VPS13C: variants seen among roughly 807,000 people sequenced by gnomAD.
VPS13C encodes the protein intermembrane lipid transfer protein VPS13C.
A neutral mutation model predicts 456.8 loss-of-function variants in VPS13C; 358 were observed. The observed-to-expected ratio is 0.78, with a 90% CI of 0.72 to 0.86. The LOEUF is 0.86. Ranked by LOEUF, VPS13C falls within the 40% of genes least tolerant of loss-of-function variation. The pLI is 0.00. For synonymous variants in VPS13C, 1,578 were observed against 1,486.7 expected (o/e 1.06, Z -1.41); for missense variants, 4,818 against 4,385.4 (o/e 1.10, Z -2.79).
intron 16 of VPS13C, among the ~76,000 whole-genome samples, chr15:61,999,379 CA>C (rs200452220): frequency 0.029 from 3,312 of 115,888 alleles, 45 homozygotes; most frequent in East Asian, 0.083. Flanking sequence ...GACTCCATCT[CA>C]AAAAAAAAAA....
chr15:61,962,887 G>T, intron 32 of VPS13C, 35 bp from the exon 33 acceptor site: 2 of 1,398,468 alleles, frequency 1.4e-6, no homozygotes, highest in South Asian at 2.8e-5. Context: ...AATTTCTACA[G>T]ACCTACCATA....
rs1163803965 is a variant in VPS13C, at chr15:62,007,129, GT to G, written c.1290+178del. Among the ~76,000 whole-genome samples, 3 of 151,638 alleles carry G rather than the reference GT, an allele frequency of 2.0e-5. No homozygotes were observed. The Middle Eastern group carries it at 0.01, about 516-fold the overall frequency. ...TCTGATATTTGCAGGGGGAAAAAAA[GT>G]TTTTTTAAAGAAGAAAAACTGGAAA... is the stretch of plus-strand genomic sequence containing the variant. On this transcript the variant is annotated intron_variant, in intron 15 of 84. Transcript: ENST00000644861.
chr15:62,018,839 T>C (rs2047354312), intron 9 of VPS13C, among the ~76,000 whole-genome samples: 1 of 152,164 alleles, frequency 6.6e-6, no homozygotes, highest in Non-Finnish European at 1.5e-5. Flanking sequence ...TTTCTATTGA[T>C]TGGAATAGTT....
intron 46 of VPS13C, 42 bp from the exon 47 acceptor site, chr15:61,940,836 AT>A: frequency 3.8e-6 from 6 of 1,575,314 alleles, no homozygotes; most frequent in Non-Finnish European, 5.2e-6. Flanking sequence ...TCAAATTTAC[AT>A]TTTAAAATGA....
At position 61,913,345 on chromosome 15, in the gene VPS13C, C is replaced by A. The variant is rs1244843219; in HGVS notation, c.8516G>T (p.Cys2839Phe). 1 of 1,614,114 alleles carries A rather than the reference C, an allele frequency of 6.2e-7. No homozygotes were observed. The highest frequency in any genetic ancestry group is 1.3e-5 in the African/African-American group (1 of 75,046). The change falls in exon 62 of 85, where the codon TGT becomes TTT. Residue 2839 changes from cysteine to phenylalanine, a missense_variant. Transcript: ENST00000644861. ...CATATTGTTGGCAGGACACTTCACA[C>A]ACCCATAACTTCCCACTGTATCCAA... ...FSLDTVGSYG[C>F]VKCPANNMEY...
At chr15:62,020,143 A>G (rs2140562044) in intron 9 of VPS13C, among the ~76,000 whole-genome samples, 1 of 151,962 alleles carries the variant, frequency 6.6e-6, no homozygotes, top group Middle Eastern at 3.4e-3. Context: ...TAAGCTATTT[A>G]GAAATTCCAT....
intron 18 of VPS13C, among the ~76,000 whole-genome samples, chr15:61,987,228 A>G (rs2140406919): frequency 6.6e-6 from 1 of 151,776 alleles, no homozygotes; most frequent in East Asian, 1.9e-4. Flanking sequence ...AAAAAAAAAG[A>G]AAACCAAGTC....
intron 32 of VPS13C, 26 bp downstream of exon 32, chr15:61,963,809 A>C: frequency 6.5e-7 from 1 of 1,540,556 alleles, no homozygotes; most frequent in Non-Finnish European, 8.9e-7. Flanking sequence ...CTTTTCGCCA[A>C]TTTTCAATGC....
chr15:62,051,202 C>A (rs909068445), intron 1 of VPS13C, among the ~76,000 whole-genome samples: 1 of 152,124 alleles, frequency 6.6e-6, no homozygotes, highest in Non-Finnish European at 1.5e-5. Flanking sequence ...TTATATAAAT[C>A]CCCAGTCTGA....
At chr15:61,857,601 G>A (rs530528688) in intron 82 of VPS13C, among the ~76,000 whole-genome samples, 11 of 152,212 alleles carry the variant, frequency 7.2e-5, no homozygotes, top group African/African-American at 1.9e-4. Flanking sequence ...AGGAAATGAC[G>A]TGATAATGTT....
At chr15:61,880,768 A>G in intron 72 of VPS13C, 46 bp from the exon 73 acceptor site, 1 of 1,539,972 alleles carries the variant, frequency 6.5e-7, no homozygotes, top group East Asian at 2.3e-5. Flanking sequence ...TTTTTTCTCT[A>G]TTAGAATTCG....
chr15:61,878,564 C>A, intron 74 of VPS13C, 43 bp downstream of exon 74: 1 of 1,591,142 alleles, frequency 6.3e-7, no homozygotes, highest in Non-Finnish European at 8.5e-7. Context: ...GAAACATGAC[C>A]TTGGTACACC....
intron 47 of VPS13C, among the ~76,000 whole-genome samples, chr15:61,938,859 A>G (rs958756847): frequency 6.6e-6 from 1 of 152,130 alleles, no homozygotes; most frequent in African/African-American, 2.4e-5. Flanking sequence ...ACACCAGCCT[A>G]ATTTAGAGAT....
chr15:62,001,516 CTT>C (rs556179507), intron 15 of VPS13C, among the ~76,000 whole-genome samples: 1 of 150,966 alleles, frequency 6.6e-6, no homozygotes, highest in Non-Finnish European at 1.5e-5. Flanking sequence ...TTCGTATTTA[CTT>C]TTTTTTTATT....
At chr15:62,033,657 A>C (rs1455544891) in intron 4 of VPS13C, 115 bp from the exon 5 acceptor site, 6 of 535,664 alleles carry the variant, frequency 1.1e-5, no homozygotes, top group Non-Finnish European at 1.8e-5. Context: ...CAATACAAAA[A>C]TACTTTCACA....
chr15:62,033,911 C>A (rs1253219757), intron 4 of VPS13C, among the ~76,000 whole-genome samples: 1 of 151,092 alleles, frequency 6.6e-6, no homozygotes, highest in African/African-American at 2.4e-5. Flanking sequence ...TACCTGGGAT[C>A]AATATACACT....
At chr15:62,057,783 T>A (rs1170211898) in intron 1 of VPS13C, among the ~76,000 whole-genome samples, 1 of 152,214 alleles carries the variant, frequency 6.6e-6, no homozygotes, top group Admixed American at 6.5e-5. Flanking sequence ...AATTACGACA[T>A]TTTTAATTTC....
chr15:61,952,740 A>G (rs1290746187), intron 38 of VPS13C, among the ~76,000 whole-genome samples: 2 of 152,076 alleles, frequency 1.3e-5, no homozygotes, highest in African/African-American at 4.8e-5. Flanking sequence ...ATTGTTAGAG[A>G]CAGGGTCTTG....
rs777552846 is a variant in VPS13C, at chr15:61,917,551, A to G, written c.7845T>C (p.Leu2615=). The part of the protein sequence containing the change: ...STTYISWKEE[L]HRSREVRCML... ...TGCATCTGACTTCCCTGCTCCTATG[A>G]AGTTCTTCCTTCCAGGAAATATAAG... The change falls in exon 60 of 85, where the codon CTT becomes CTC. Residue 2615 remains leucine (L), a synonymous_variant. Coordinates refer to ENST00000644861, the MANE Select transcript of VPS13C (RefSeq NM_020821.3). 6.2e-7 allele frequency: 1 copy of G among 1,613,996 alleles called. No homozygotes were observed. The highest frequency in any genetic ancestry group is 1.7e-5 in the Admixed American group (1 of 60,004).
Sources: gnomAD v4.1 joint callset for allele counts (sites outside exome capture counted in the v4.1 genomes callset) on GRCh38, gnomAD v4.1.1 for gene constraint, MANE v1.5 for transcripts, NCBI Gene and HGNC (gene_info 2026-07-23, HGNC 2026-07-21) for gene names.